Variants in PLXNA4 observed in about 807,000 individuals in gnomAD.
PLXNA4 encodes plexin-A4.
In PLXNA4, 44 loss-of-function variants were observed where a neutral mutation model predicts 191.8. The ratio of observed to expected loss-of-function variants is 0.23; its 90% CI spans 0.18 to 0.29. PLXNA4 has a LOEUF of 0.29. Ranked by LOEUF, PLXNA4 falls within the 10% of genes least tolerant of loss-of-function variation. PLXNA4 has a pLI of 1.00. For synonymous variants in PLXNA4, 1,082 were observed against 1,009.5 expected (o/e 1.07, Z -1.36); for missense variants, 1,800 against 2,488.8 (o/e 0.72, Z 5.89).
chr7:132,216,891 T>C (rs1003296529), intron 9 of PLXNA4, among the ~76,000 whole-genome samples: 8 of 152,186 alleles, frequency 5.3e-5, no homozygotes, highest in African/African-American at 9.6e-5. Flanking sequence ...CTCTGAACTA[T>C]GATTTGAAAG....
intron 3 of PLXNA4, among the ~76,000 whole-genome samples, chr7:132,480,890 G>A (rs1797307611): frequency 6.6e-6 from 1 of 152,156 alleles, no homozygotes; most frequent in Non-Finnish European, 1.5e-5. Flanking sequence ...CCTCTTCCTT[G>A]GTATTTAAAT....
intron 5 of PLXNA4, among the ~76,000 whole-genome samples, chr7:132,232,078 T>C (rs773188057): frequency 1.9e-4 from 29 of 152,208 alleles, no homozygotes; most frequent in Admixed American, 6.5e-4. Context: ...GAATTCCTGC[T>C]GGTTTCTTGT....
Position 132,321,006 on chromosome 7 carries a change from G to A in PLXNA4, c.1372-22784C>T, listed in dbSNP as rs112529901. Among the ~76,000 whole-genome samples, 1,264 of 152,184 alleles carry A rather than the reference G, an allele frequency of 8.3e-3. 21 individuals carry two copies. The highest frequency in any genetic ancestry group is 0.028 in the African/African-American group (1,152 of 41,534). On this transcript the variant is annotated intron_variant, in intron 3 of 31. Coordinates refer to ENST00000321063, the MANE Select transcript of PLXNA4 (RefSeq NM_020911.2). ...AAATCTCCCTGTTTTTCTGCCCTCC[G>A]GTTCCTGGCAATCCCTTGCCAGCTG... is the stretch of plus-strand genomic sequence containing the variant.
chr7:132,236,927 T>C (rs1798721486), intron 5 of PLXNA4, among the ~76,000 whole-genome samples: 1 of 152,188 alleles, frequency 6.6e-6, no homozygotes, highest in Non-Finnish European at 1.5e-5. Flanking sequence ...ATGTCCAGTT[T>C]ACTCTTAAGA....
intron 3 of PLXNA4, among the ~76,000 whole-genome samples, chr7:132,425,831 C>T (rs1388762296): frequency 1.3e-5 from 2 of 152,218 alleles, no homozygotes; most frequent in Non-Finnish European, 2.9e-5. Context: ...GGGGCGGGAG[C>T]TGGGGGCTCT....
chr7:132,512,669 C>T (rs1327029887), intron 1 of PLXNA4, among the ~76,000 whole-genome samples: 1 of 152,134 alleles, frequency 6.6e-6, no homozygotes, highest in Admixed American at 6.5e-5. Context: ...GAGGTGACAC[C>T]CCGCCGAGCT....
At chr7:132,565,620 C>T (rs1214155074) in intron 1 of PLXNA4, among the ~76,000 whole-genome samples, 1 of 152,132 alleles carries the variant, frequency 6.6e-6, no homozygotes, top group Non-Finnish European at 1.5e-5. Flanking sequence ...CATCCGCAGA[C>T]CCAGATTCCC....
intron 21 of PLXNA4, among the ~76,000 whole-genome samples, chr7:132,174,402 C>T (rs901117344): frequency 2.0e-5 from 3 of 152,204 alleles, no homozygotes; most frequent in Non-Finnish European, 4.4e-5. Context: ...GTACCAACTA[C>T]GTGAGTCAAA....
At chr7:132,220,652 T>A (rs954975795) in intron 9 of PLXNA4, among the ~76,000 whole-genome samples, 11 of 151,862 alleles carry the variant, frequency 7.2e-5, no homozygotes, top group Admixed American at 3.9e-4. Context: ...GGCCCTGGCA[T>A]CCCATCCTCT....
In PLXNA4 at chr7:132,508,394, G is replaced by A. The variant is rs184417672; in HGVS notation, c.300C>T (p.Ile100=). Reference sequence around the variant, plus strand: ...TCAGGGGCTCATTGCAGGTCTGGACGATGCGGGGTGGGTAACACTTGGGGT... The same window carrying A: ...TCAGGGGCTCATTGCAGGTCTGGACAATGCGGGGTGGGTAACACTTGGGGT... ...EDNPKCYPPR[I]VQTCNEPLTT... Residue 100 remains isoleucine (I), a synonymous_variant, in exon 2 of 32, where the codon ATC becomes ATT. Transcript: ENST00000321063. The surrounding 1 kb of genome is among the most constrained non-coding windows in gnomAD (Gnocchi z 4.4). The A allele has an allele frequency of 3.3e-5, 53 of 1,614,178 alleles. No individual in the cohort carries two copies. The highest frequency in any genetic ancestry group is 1.8e-4 in the Admixed American group (11 of 60,028).
At chr7:132,188,951 GAGGAAAGGAAAGGAA>G (rs755898295) in intron 14 of PLXNA4, among the ~76,000 whole-genome samples, 10 of 50,070 alleles carry the variant, frequency 2.0e-4, no homozygotes, top group East Asian at 1.3e-3. Flanking sequence ...CCTTCCCAGA[GAGGAAAGGAAAGGAA>G]AGGAAAGGAA....
At chr7:132,291,693 C>T (rs934798605) in intron 4 of PLXNA4, among the ~76,000 whole-genome samples, 1 of 152,320 alleles carries the variant, frequency 6.6e-6, no homozygotes, top group South Asian at 2.1e-4. Flanking sequence ...CGAGAGCTGG[C>T]CATCCATTCA....
At chr7:132,257,929 C>T (rs1162516321) in intron 4 of PLXNA4, among the ~76,000 whole-genome samples, 1 of 152,228 alleles carries the variant, frequency 6.6e-6, no homozygotes. Flanking sequence ...AGGGAGAATC[C>T]AGCAAAATCA....
chr7:132,226,094 G>T (rs1798313525), intron 8 of PLXNA4, 67 bp downstream of exon 8: 1 of 1,433,418 alleles, frequency 7.0e-7, no homozygotes, highest in Non-Finnish European at 9.8e-7. Context: ...ATAGTGATGG[G>T]GTTTTCTGAT....
At chr7:132,329,712 G>A (rs967773986) in intron 3 of PLXNA4, among the ~76,000 whole-genome samples, 1 of 152,128 alleles carries the variant, frequency 6.6e-6, no homozygotes, top group East Asian at 1.9e-4. Flanking sequence ...GGAAACAAAC[G>A]GGTTGACTCC....
At chr7:132,530,164 G>T (rs955283842) in intron 1 of PLXNA4, among the ~76,000 whole-genome samples, 1 of 152,148 alleles carries the variant, frequency 6.6e-6, no homozygotes, top group African/African-American at 2.4e-5. Flanking sequence ...CTCACCAAGG[G>T]CCATGAGGAA....
At position 132,332,963 on chromosome 7, in the gene PLXNA4, TCTCA is replaced by T. The variant is rs557171993; in HGVS notation, c.1372-34745_1372-34742del. Among the ~76,000 whole-genome samples the T allele has an allele frequency of 2.1e-4, 32 of 152,320 alleles. 1 individual carries two copies. The South Asian group carries it at 3.9e-3, about 19-fold the overall frequency. ...ATGAATTCTGATATTTTCCCTTCTTTCTCACTCTCTCTCTTACTCTTTCTTGCTC... is the reference window on the plus strand; with the variant it reads ...ATGAATTCTGATATTTTCCCTTCTTTCTCTCTCTCTTACTCTTTCTTGCTC... On this transcript the variant is annotated intron_variant, in intron 3 of 31. Transcript: ENST00000321063.
At chr7:132,231,852 C>T (rs146896467) in intron 5 of PLXNA4, among the ~76,000 whole-genome samples, 7 of 152,216 alleles carry the variant, frequency 4.6e-5, no homozygotes, top group South Asian at 2.1e-4. Flanking sequence ...GAGAAAAGAG[C>T]GAAAGAATGG....
Position 132,396,997 on chromosome 7 carries a change from C to T in PLXNA4, c.1371+92295G>A, listed in dbSNP as rs1184101247. 1.3e-5 allele frequency among the ~76,000 whole-genome samples: 2 copies of T among 152,244 alleles called. 1 individual carries two copies. The highest frequency in any genetic ancestry group is 2.9e-5 in the Non-Finnish European group (2 of 68,036). ...GGGAAATCCTGCCCCAAGATCCAGA[C>T]CCAGACACCTGCCACTCTGACAGCT... is the stretch of plus-strand genomic sequence containing the variant. On this transcript the variant is annotated intron_variant, in intron 3 of 31. Transcript: ENST00000321063.
Sources: gnomAD v4.1 joint callset for allele counts (sites outside exome capture counted in the v4.1 genomes callset) on GRCh38, gnomAD v4.1.1 for gene constraint, Gnocchi (gnomAD v3.1) non-coding constraint, MANE v1.5 for transcripts, NCBI Gene and HGNC (gene_info 2026-07-23, HGNC 2026-07-21) for gene names.